The following PPARGC1A variants were observed in gnomAD, a reference collection of about 807,000 sequenced individuals.
PPARGC1A encodes the protein peroxisome proliferator-activated receptor gamma coactivator 1-alpha.
PPARGC1A carries 25 observed loss-of-function variants against 88.7 expected under a neutral mutation model. The ratio of observed to expected loss-of-function variants is 0.28; its 90% CI spans 0.21 to 0.39. The LOEUF (loss-of-function observed/expected upper bound fraction) is 0.39, where lower values mean the gene tolerates loss of function less well. Ranked by LOEUF, PPARGC1A falls within the 10% of genes least tolerant of loss-of-function variation. PPARGC1A has a pLI of 1.00. For synonymous variants in PPARGC1A, 363 were observed against 355.6 expected (o/e 1.02, Z -0.24); for missense variants, 880 against 968.7 (o/e 0.91, Z 1.22).
At chr4:23,826,490 A>C (rs1364728276) in intron 5 of PPARGC1A, among the ~76,000 whole-genome samples, 1 of 152,170 alleles carries the variant, frequency 6.6e-6, no homozygotes, top group African/African-American at 2.4e-5. Flanking sequence ...CCTGACTCCA[A>C]AACGTTTTAT....
the PPARGC1A span, among the ~76,000 whole-genome samples, chr4:24,468,772 AT>A: frequency 2.9e-3 from 431 of 149,046 alleles, 2 homozygotes; most frequent in African/African-American, 7.1e-3. Flanking sequence ...CATCTTCATT[AT>A]TTTTTTTTTA....
the PPARGC1A span, among the ~76,000 whole-genome samples, chr4:24,041,776 T>C: frequency 6.6e-6 from 1 of 152,162 alleles, no homozygotes; most frequent in African/African-American, 2.4e-5. Context: ...GTATGAATCC[T>C]ACTATGGAAA....
chr4:24,399,996 G>A, the PPARGC1A span, among the ~76,000 whole-genome samples: 1 of 144,554 alleles, frequency 6.9e-6, no homozygotes, highest in Non-Finnish European at 1.5e-5. Flanking sequence ...ATGTTGGCCA[G>A]GCTGGTCCGA....
the PPARGC1A span, among the ~76,000 whole-genome samples, chr4:24,201,408 C>A: frequency 6.6e-6 from 1 of 152,240 alleles, no homozygotes; most frequent in Non-Finnish European, 1.5e-5. Context: ...TGGTGAATCC[C>A]TCCACCTGGG....
chr4:24,455,416 G>T, the PPARGC1A span, among the ~76,000 whole-genome samples: 2 of 152,196 alleles, frequency 1.3e-5, no homozygotes, highest in Non-Finnish European at 2.9e-5. Flanking sequence ...TGGAGTTTAA[G>T]GCTGCAATAG....
chr4:24,286,714 C>A, the PPARGC1A span, among the ~76,000 whole-genome samples: 1 of 152,316 alleles, frequency 6.6e-6, no homozygotes, highest in African/African-American at 2.4e-5. Flanking sequence ...TGCTGTGTAA[C>A]AAATCACCCC....
the PPARGC1A span, among the ~76,000 whole-genome samples, chr4:24,403,006 T>C: frequency 3.9e-5 from 6 of 152,346 alleles, no homozygotes; most frequent in East Asian, 9.6e-4. Flanking sequence ...GCTCTGATCC[T>C]TACAACTGCT....
At chr4:23,876,102 G>C (rs1296668654) in intron 2 of PPARGC1A, 2 of 152,370 alleles carry the variant, frequency 1.3e-5, no homozygotes, top group Non-Finnish European at 2.9e-5. Context: ...AACACAGATA[G>C]CATAGTTAGT....
chr4:24,355,110 C>T, the PPARGC1A span, among the ~76,000 whole-genome samples: 473 of 152,264 alleles, frequency 3.1e-3, 6 homozygotes, highest in African/African-American at 0.011. Flanking sequence ...ATGTTTGTCA[C>T]GACATTATCT....
intron 2 of PPARGC1A, among the ~76,000 whole-genome samples, chr4:23,845,566 C>A (rs1728167531): frequency 6.6e-6 from 1 of 152,068 alleles, no homozygotes; most frequent in Non-Finnish European, 1.5e-5. Context: ...TTCTGTGAGG[C>A]CATCTAGGGT....
the PPARGC1A span, among the ~76,000 whole-genome samples, chr4:24,297,125 A>C: frequency 6.6e-6 from 1 of 152,190 alleles, no homozygotes; most frequent in Admixed American, 6.6e-5. Context: ...AAGCTAGTGC[A>C]TTAGAAGAAA....
chr4:23,878,716 G>A (rs1018562869), intron 2 of PPARGC1A, among the ~76,000 whole-genome samples: 9 of 152,148 alleles, frequency 5.9e-5, no homozygotes, highest in African/African-American at 1.4e-4. Flanking sequence ...AAGATAAGCC[G>A]ACAGGAGAGG....
At chr4:23,912,933 C>T in the PPARGC1A span, among the ~76,000 whole-genome samples, 18 of 151,036 alleles carry the variant, frequency 1.2e-4, no homozygotes, top group Middle Eastern at 3.4e-3. Flanking sequence ...GGACTACAGG[C>T]GCCCACCACC....
intron 2 of PPARGC1A, among the ~76,000 whole-genome samples, chr4:23,852,383 T>C (rs1045267107): frequency 1.2e-4 from 18 of 152,136 alleles, no homozygotes; most frequent in African/African-American, 3.1e-4. Context: ...GAGGAGCTGA[T>C]CACTTTACAG....
At chr4:23,844,339 ATATAT>A (rs1727609460) in intron 2 of PPARGC1A, among the ~76,000 whole-genome samples, 1 of 138,884 alleles carries the variant, frequency 7.2e-6, no homozygotes, top group African/African-American at 2.7e-5. Context: ...AAACTATATT[ATATAT>A]TATAATATAA....
At chr4:24,446,591 ATTTTTTTTTT>A in the PPARGC1A span, among the ~76,000 whole-genome samples, 3 of 134,884 alleles carry the variant, frequency 2.2e-5, no homozygotes, top group East Asian at 2.2e-4. Flanking sequence ...AAAACACTGA[ATTTTTTTTTT>A]TTTTTTTTTT....
chr4:23,912,894 T>C, the PPARGC1A span, among the ~76,000 whole-genome samples: 1 of 151,434 alleles, frequency 6.6e-6, no homozygotes, highest in Non-Finnish European at 1.5e-5. Flanking sequence ...GTTCATGCCA[T>C]TCTCCTGCCT....
the PPARGC1A span, among the ~76,000 whole-genome samples, chr4:23,915,167 C>CT: frequency 5.3e-5 from 8 of 151,254 alleles, no homozygotes; most frequent in East Asian, 1.9e-4. Context: ...AATTTATTTT[C>CT]TTTTTTTTTA....
At chr4:24,168,874 A>C in the PPARGC1A span, among the ~76,000 whole-genome samples, 1 of 152,246 alleles carries the variant, frequency 6.6e-6, no homozygotes, top group African/African-American at 2.4e-5. Flanking sequence ...CAAAATTCCA[A>C]AGAATTTATC....
Sources: allele counts gnomAD v4.1 joint callset (sites outside exome capture counted in the v4.1 genomes callset), GRCh38; gene constraint gnomAD v4.1.1; transcripts MANE v1.5; gene names NCBI Gene and HGNC (gene_info 2026-07-23, HGNC 2026-07-21).